The following SFXN5 variants were observed in gnomAD, a reference collection of about 807,000 sequenced individuals.
The protein encoded by SFXN5 is sideroflexin 5.
SFXN5 carries 43 observed loss-of-function variants against 50.2 expected under a neutral mutation model. The ratio of observed to expected loss-of-function variants is 0.86; its 90% CI spans 0.67 to 1.11. The LOEUF is 1.11. SFXN5 is among the 50% of genes least tolerant of loss of function. The pLI is 0.00. For synonymous variants in SFXN5, 203 were observed against 185.8 expected, an observed-to-expected ratio of 1.09 and a Z score of -0.75; for missense variants, 463 against 454.1, an observed-to-expected ratio of 1.02 and a Z score of -0.18.
At chr2:73,065,296 T>C (rs1683095443) in intron 1 of SFXN5, among the ~76,000 whole-genome samples, 1 of 152,166 alleles carries the variant, frequency 6.6e-6, no homozygotes, top group African/African-American at 2.4e-5. Context: ...ACATGGGGTC[T>C]CACTATGTTG....
chr2:72,964,618 C>T (rs1338300449), intron 12 of SFXN5, among the ~76,000 whole-genome samples: 1 of 152,268 alleles, frequency 6.6e-6, no homozygotes, highest in Non-Finnish European at 1.5e-5. Context: ...CCACACAGTC[C>T]TGCACTTCCA....
intron 1 of SFXN5, chr2:73,070,680 G>C (rs912895358): frequency 6.6e-6 from 1 of 152,176 alleles, no homozygotes; most frequent in African/African-American, 2.4e-5. Context: ...CGGGCTCCGC[G>C]TTCCACCCCC....
intron 2 of SFXN5, among the ~76,000 whole-genome samples, chr2:73,047,230 AAAAAAAAAAAAAAAAAT>A (rs1680464147): frequency 1.5e-4 from 8 of 55,108 alleles, no homozygotes; most frequent in African/African-American, 7.9e-4. Context: ...AAAAAAAAAA[AAAAAAAAAAAAAAAAAT>A]ATATATATAT....
chr2:73,052,177 T>C (rs1681413294), intron 2 of SFXN5, among the ~76,000 whole-genome samples: 1 of 152,184 alleles, frequency 6.6e-6, no homozygotes, highest in Non-Finnish European at 1.5e-5. Flanking sequence ...GCCTCAGACC[T>C]GGAATCCACC....
intron 2 of SFXN5, among the ~76,000 whole-genome samples, chr2:73,045,157 G>C (rs1047684150): frequency 6.6e-6 from 1 of 152,150 alleles, no homozygotes; most frequent in Admixed American, 6.5e-5. Context: ...GAGAAAACTG[G>C]GGCCAAGAGG....
chr2:72,983,665 T>C (rs750651830), intron 10 of SFXN5, among the ~76,000 whole-genome samples: 1 of 152,190 alleles, frequency 6.6e-6, no homozygotes, highest in African/African-American at 2.4e-5. Flanking sequence ...GCCAGCTTTA[T>C]AGATGTGCTT....
rs544618322 is a variant in SFXN5, at chr2:72,950,599, G to A, written c.946-5500C>T. Among the ~76,000 whole-genome samples, 16 of 152,304 alleles carry A rather than the reference G, an allele frequency of 1.1e-4. No homozygotes were observed. In the South Asian group the frequency reaches 2.9e-3, roughly 28 times the overall value. ...ACCTATATGTGATGTTTCCTCCCCT[G>A]TCCACCAAAAACTAAGCATCTCCCT... is the stretch of plus-strand genomic sequence containing the variant. On this transcript the variant is annotated intron_variant, in intron 13 of 13. Transcript: ENST00000272433. This position sits in a 1 kb window ranked among gnomAD's most constrained non-coding sequence, Gnocchi z 4.2.
intron 1 of SFXN5, 107 bp from the exon 2 acceptor site, chr2:73,058,703 G>T: frequency 4.1e-6 from 4 of 977,796 alleles, no homozygotes; most frequent in Non-Finnish European, 6.4e-6. Flanking sequence ...CGGTCCCCAG[G>T]ACTCCTCGTG....
rs201484843 is a variant in SFXN5, at chr2:73,022,500, C to T, written c.331+22G>A. 16 of 1,607,526 alleles carry T rather than the reference C, an allele frequency of 1.0e-5. No homozygotes were observed. The East Asian group carries it at 3.3e-4, about 34-fold the overall frequency. On this transcript the variant is annotated intron_variant, in intron 5 of 13. Coordinates refer to ENST00000272433, the MANE Select transcript of SFXN5 (RefSeq NM_144579.3). The stretch of plus-strand genomic sequence containing the variant: ...GTAAGCACCCCAGGCTGACCAGAAC[C>T]AGAAGGGCCCCAGGAGCTTACCTGA...
chr2:72,984,881 C>A (rs1044837696), intron 10 of SFXN5, among the ~76,000 whole-genome samples: 1 of 152,096 alleles, frequency 6.6e-6, no homozygotes, highest in Non-Finnish European at 1.5e-5. Context: ...CAGTGTGTAG[C>A]CCACCTCCCA....
chr2:72,968,370 G>A (rs984533118), intron 12 of SFXN5, 78 bp downstream of exon 12: 2 of 1,387,146 alleles, frequency 1.4e-6, no homozygotes, highest in Non-Finnish European at 2.0e-6. Flanking sequence ...CTCATCTCTT[G>A]CCTGGGCCAG....
At chr2:73,009,631 G>T (rs1015938253) in intron 6 of SFXN5, among the ~76,000 whole-genome samples, 3 of 152,212 alleles carry the variant, frequency 2.0e-5, no homozygotes, top group African/African-American at 7.2e-5. Context: ...ATTCACACAG[G>T]ATCTTGGGGG....
chr2:73,001,476 C>T, intron 7 of SFXN5, 49 bp downstream of exon 7: 1 of 1,602,136 alleles, frequency 6.2e-7, no homozygotes, highest in Non-Finnish European at 8.6e-7. Flanking sequence ...TTAACCAGCA[C>T]CTGTGTGGGC....
intron 5 of SFXN5, 141 bp from the exon 6 acceptor site, chr2:73,020,405 A>G (rs1676718913): frequency 4.1e-6 from 3 of 733,456 alleles, no homozygotes; most frequent in East Asian, 2.7e-5. Flanking sequence ...GGCATCTCCT[A>G]TCTCATAGAC....
At chr2:72,996,045 G>T (rs1673183932) in intron 9 of SFXN5, among the ~76,000 whole-genome samples, 1 of 152,202 alleles carries the variant, frequency 6.6e-6, no homozygotes, top group Non-Finnish European at 1.5e-5. Flanking sequence ...CCTCTCCATG[G>T]GGGAGAAGCC....
chr2:73,029,294 C>T (rs888710425), intron 3 of SFXN5, among the ~76,000 whole-genome samples: 3 of 152,182 alleles, frequency 2.0e-5, no homozygotes, highest in African/African-American at 4.8e-5. Context: ...GAAACCTGGG[C>T]GTTACTTGTA....
chr2:73,022,585 A>T lies in SFXN5; in HGVS notation c.277-9T>A, dbSNP rs372075902. 5 of 1,340,864 alleles carry T rather than the reference A, an allele frequency of 3.7e-6. No individual in the cohort carries two copies. The African/African-American group carries it at 6.5e-5, about 17-fold the overall frequency. The allele number at this position is 1,340,864 out of a possible 1,614,324, so 83.1% of individuals were successfully genotyped here. On this transcript the variant is annotated splice_polypyrimidine_tract_variant and intron_variant, in intron 4 of 13. Transcript: ENST00000272433. ...TCCGGATGTAGAATAGCCTGGCAAA[A>T]GCAGGAACAGAGAATGGGGTGGGGA...
At chr2:72,979,097 T>C (rs764888891) in intron 10 of SFXN5, among the ~76,000 whole-genome samples, 2 of 152,334 alleles carry the variant, frequency 1.3e-5, no homozygotes, top group Middle Eastern at 6.8e-3. Flanking sequence ...CAAAAGGATA[T>C]GTACAGTATG....
At chr2:73,064,506 G>A (rs1461594360) in intron 1 of SFXN5, among the ~76,000 whole-genome samples, 1 of 152,214 alleles carries the variant, frequency 6.6e-6, no homozygotes, top group Non-Finnish European at 1.5e-5. Context: ...TCGCCTATAG[G>A]AAGTAAATGA....
Sources: allele counts gnomAD v4.1 joint callset (sites outside exome capture counted in the v4.1 genomes callset), GRCh38; gene constraint gnomAD v4.1.1; non-coding constraint Gnocchi (gnomAD v3.1); transcripts MANE v1.5; gene names NCBI Gene and HGNC (gene_info 2026-07-23, HGNC 2026-07-21).